PTPRM: variants seen among roughly 807,000 people sequenced by gnomAD.
PTPRM encodes protein tyrosine phosphatase receptor type M.
Under a neutral mutation model 186.7 loss-of-function variants are expected in PTPRM, and 47 were observed. The observed-to-expected ratio is 0.25, with a 90% CI of 0.20 to 0.32. The LOEUF is 0.32. Ranked by LOEUF, PTPRM falls within the 10% of genes least tolerant of loss-of-function variation. The pLI, the probability that PTPRM is intolerant of heterozygous loss-of-function variation, is 1.00. For synonymous variants in PTPRM, 668 were observed against 674.9 expected, an observed-to-expected ratio of 0.99 and a Z score of 0.16; for missense variants, 1,494 against 1,865.0, an observed-to-expected ratio of 0.80 and a Z score of 3.66.
rs73396052 is a variant in PTPRM, at chr18:8,310,012, C to T, written c.2843-4769C>T. ...CTCAGATTAAATATATCCAACACTG[C>T]GTGCCTCATTTCCATCACCCACCCC... On this transcript the variant is annotated intron_variant, in intron 20 of 32. Coordinates refer to ENST00000580170, the MANE Select transcript of PTPRM (RefSeq NM_001105244.2). 1.6e-3 allele frequency among the ~76,000 whole-genome samples: 243 copies of T among 152,232 alleles called. 1 individual carries two copies. The highest frequency in any genetic ancestry group is 5.8e-3 in the African/African-American group (239 of 41,536).
intron 7 of PTPRM, among the ~76,000 whole-genome samples, chr18:7,978,172 G>C (rs2055083694): frequency 6.6e-6 from 1 of 152,158 alleles, no homozygotes; most frequent in African/African-American, 2.4e-5. Context: ...GCTTAGGGTT[G>C]ATTTAAGGAT....
intron 1 of PTPRM, among the ~76,000 whole-genome samples, chr18:7,696,487 C>G (rs543420399): frequency 8.7e-4 from 133 of 152,256 alleles, no homozygotes; most frequent in African/African-American, 3.1e-3. Context: ...TTGAAATAGT[C>G]ATACATAGAA....
intron 11 of PTPRM, among the ~76,000 whole-genome samples, chr18:8,101,248 A>C (rs1413162696): frequency 6.6e-6 from 1 of 152,220 alleles, no homozygotes; most frequent in Non-Finnish European, 1.5e-5. Context: ...AGGTAATAAT[A>C]ATATCTACCT....
At chr18:8,016,509 G>T (rs2084870913) in intron 7 of PTPRM, among the ~76,000 whole-genome samples, 1 of 149,610 alleles carries the variant, frequency 6.7e-6, no homozygotes, top group African/African-American at 2.5e-5. Context: ...CTCCAGCTTG[G>T]GTGACAGAGC....
At chr18:7,680,900 C>G (rs985171813) in intron 1 of PTPRM, among the ~76,000 whole-genome samples, 3 of 152,114 alleles carry the variant, frequency 2.0e-5, no homozygotes, top group Non-Finnish European at 4.4e-5. Context: ...TAGCATGTGA[C>G]TCTTGATAGT....
chr18:7,914,271 T>A (rs1390021597), intron 4 of PTPRM, among the ~76,000 whole-genome samples: 1 of 152,174 alleles, frequency 6.6e-6, no homozygotes, highest in Non-Finnish European at 1.5e-5. Context: ...ATCATTCTTC[T>A]TAAGATAGAG....
intron 3 of PTPRM, among the ~76,000 whole-genome samples, chr18:7,892,146 G>T (rs1490021231): frequency 3.9e-5 from 6 of 152,162 alleles, no homozygotes; most frequent in African/African-American, 1.4e-4. Flanking sequence ...GGTATGTCCT[G>T]CTCATGTTTT....
intron 20 of PTPRM, among the ~76,000 whole-genome samples, chr18:8,310,786 G>A (rs532255961): frequency 1.3e-5 from 2 of 152,186 alleles, no homozygotes; most frequent in Admixed American, 1.3e-4. Context: ...AATCTAATTT[G>A]TTTAACACTA....
At chr18:7,799,777 CTTG>C (rs780606014) in intron 2 of PTPRM, among the ~76,000 whole-genome samples, 1 of 152,078 alleles carries the variant, frequency 6.6e-6, no homozygotes, top group Non-Finnish European at 1.5e-5. Flanking sequence ...ATCTTCCTGC[CTTG>C]TTAACTTCAG....
intron 1 of PTPRM, among the ~76,000 whole-genome samples, chr18:7,641,903 T>A (rs2038452009): frequency 6.6e-6 from 1 of 151,980 alleles, no homozygotes; most frequent in Non-Finnish European, 1.5e-5. Context: ...CCTGGAGAGG[T>A]TAAGTAAATG....
intron 5 of PTPRM, chr18:7,947,017 T>C: frequency 2.2e-6 from 1 of 456,140 alleles, no homozygotes; most frequent in South Asian, 1.5e-5. Flanking sequence ...GGAGGCCTTG[T>C]GGTTTTCTAG....
chr18:7,592,082 A>G (rs2037141030), intron 1 of PTPRM, among the ~76,000 whole-genome samples: 1 of 152,204 alleles, frequency 6.6e-6, no homozygotes, highest in Admixed American at 6.5e-5. Context: ...GATTTAAATT[A>G]TTTATTGCAT....
At chr18:8,034,168 G>C (rs1321211907) in intron 7 of PTPRM, among the ~76,000 whole-genome samples, 1 of 151,138 alleles carries the variant, frequency 6.6e-6, no homozygotes, top group African/African-American at 2.4e-5. Flanking sequence ...TCCGAACTAG[G>C]TCACATTCAC....
intron 7 of PTPRM, among the ~76,000 whole-genome samples, chr18:7,992,108 C>T (rs978846780): frequency 2.6e-5 from 4 of 152,040 alleles, no homozygotes; most frequent in African/African-American, 7.2e-5. Flanking sequence ...TCCTCAGTAC[C>T]GTGCCCTGAG....
intron 22 of PTPRM, among the ~76,000 whole-genome samples, chr18:8,342,394 T>C (rs530299764): frequency 2.8e-4 from 43 of 152,336 alleles, no homozygotes; most frequent in Admixed American, 1.8e-3. Flanking sequence ...TTGAAACTCA[T>C]AGAGGCTAAG....
chr18:7,898,381 C>T (rs2049480868), intron 3 of PTPRM, among the ~76,000 whole-genome samples: 1 of 152,166 alleles, frequency 6.6e-6, no homozygotes, highest in South Asian at 2.1e-4. Context: ...TCTTTGCTTA[C>T]ACATAGCAAG....
At chr18:8,041,161 A>G (rs1316028035) in intron 7 of PTPRM, among the ~76,000 whole-genome samples, 8 of 152,186 alleles carry the variant, frequency 5.3e-5, no homozygotes, top group Admixed American at 5.2e-4. Context: ...TATAAACAAC[A>G]TCTATGCCTG....
chr18:7,957,532 G>A (rs2053395469), intron 7 of PTPRM, among the ~76,000 whole-genome samples: 1 of 152,138 alleles, frequency 6.6e-6, no homozygotes, highest in South Asian at 2.1e-4. Context: ...GTGATGCATG[G>A]TCTGGTTGTG....
At chr18:7,663,422 T>G (rs1215909966) in intron 1 of PTPRM, among the ~76,000 whole-genome samples, 1 of 152,188 alleles carries the variant, frequency 6.6e-6, no homozygotes, top group Non-Finnish European at 1.5e-5. Flanking sequence ...AATCACTGCC[T>G]TCATGGAGCT....
Sources: gnomAD v4.1 joint callset for allele counts (sites outside exome capture counted in the v4.1 genomes callset) on GRCh38, gnomAD v4.1.1 for gene constraint, MANE v1.5 for transcripts, NCBI Gene and HGNC (gene_info 2026-07-23, HGNC 2026-07-21) for gene names.